Variants in NFIA observed in about 807,000 individuals in gnomAD.
NFIA encodes the protein nuclear factor 1 A-type.
NFIA carries 8 observed loss-of-function variants against 62.8 expected under a neutral mutation model. The ratio of observed to expected loss-of-function variants is 0.13; its 90% CI spans 0.07 to 0.23. The LOEUF is 0.23. Among genes scored for constraint, NFIA ranks in the 10% least tolerant of loss-of-function variants. The probability of loss-of-function intolerance (pLI) is 1.00; values close to 1 mark genes in which losing one functional copy is unlikely to be tolerated. For synonymous variants in NFIA, 235 were observed against 238.1 expected, an observed-to-expected ratio of 0.99 and a Z score of 0.12; for missense variants, 410 against 642.1, an observed-to-expected ratio of 0.64 and a Z score of 3.91.
Position 61,082,654 on chromosome 1 carries a change from A to AT in NFIA, c.-129dup, listed in dbSNP as rs879156791. ...AATGTGAACGCAAGAAGCAGGCTTG[A>AT]TTTTTTTTTCTCCCCCCTTCTCTCT... On this transcript the variant is annotated 5_prime_UTR_variant, in exon 1 of 11. Transcript: ENST00000403491. 7.1e-4 allele frequency: 1,061 copies of AT among 1,501,818 alleles called. No homozygotes were observed. The highest frequency in any genetic ancestry group is 6.8e-4 in the Non-Finnish European group (759 of 1,119,334). The allele number at this position is 1,501,818 out of a possible 1,614,324, so 93.0% of individuals were successfully genotyped here.
chr1:61,196,090 AAGTC>A (rs1651969231), intron 2 of NFIA, among the ~76,000 whole-genome samples: 1 of 152,220 alleles, frequency 6.6e-6, no homozygotes, highest in African/African-American at 2.4e-5. Flanking sequence ...AGAAAATTAA[AAGTC>A]AGTTTGCTTT....
At position 61,441,292 on chromosome 1, in the gene NFIA, G is replaced by GGTGTGTGTGT. The variant is rs763246425; in HGVS notation, c.1513-13978_1513-13969dup. 3.5e-3 allele frequency among the ~76,000 whole-genome samples: 492 copies of GGTGTGTGTGT among 139,432 alleles called. 4 individuals carry two copies. Among genetic ancestry groups the GGTGTGTGTGT allele is most frequent in the East Asian group, 0.022 (102 of 4,574 alleles). 91.5% of individuals were successfully genotyped at this position (139,432 alleles called of 152,430 possible). A position where few individuals can be genotyped will look rare whatever the true frequency, so the allele number is the denominator to read the frequency against. Reference sequence around the variant, plus strand: ...TTACTTTCATAGACTGCCGTGCAGGGGTGTGTGTGTGTGTGTGTGTGTGTG... The same window carrying GGTGTGTGTGT: ...TTACTTTCATAGACTGCCGTGCAGGGGTGTGTGTGTGTGTGTGTGTGTGTGTGTGTGTGTG... On this transcript the variant is annotated intron_variant, in intron 10 of 10. Coordinates refer to ENST00000403491, the MANE Select transcript of NFIA (RefSeq NM_001134673.4).
At chr1:61,453,050 A>C (rs560946741) in intron 10 of NFIA, among the ~76,000 whole-genome samples, 3 of 152,324 alleles carry the variant, frequency 2.0e-5, no homozygotes, top group African/African-American at 7.2e-5. Context: ...TCCTTTGTCT[A>C]ACTTTCCCAA....
In NFIA at chr1:61,411,039, G is replaced by A. The variant is rs148155119; in HGVS notation, c.1420+4312G>A. 1.6e-4 allele frequency among the ~76,000 whole-genome samples: 25 copies of A among 152,220 alleles called. No individual in the cohort carries two copies. In the East Asian group the frequency reaches 4.0e-3, roughly 25 times the overall value. On this transcript the variant is annotated intron_variant, in intron 9 of 10. Transcript: ENST00000403491. ...AACACTAACTGCTCTACTCACTCTCGTAGTCAGATTATCAGAACAAACAGG... is the reference window on the plus strand; with the variant it reads ...AACACTAACTGCTCTACTCACTCTCATAGTCAGATTATCAGAACAAACAGG...
chr1:61,130,426 G>A (rs536267272), intron 2 of NFIA, among the ~76,000 whole-genome samples: 1 of 152,340 alleles, frequency 6.6e-6, no homozygotes, highest in Admixed American at 6.5e-5. Context: ...TAGGAGAGAA[G>A]TTGGTACTTG....
chr1:61,379,402 C>CTT (rs60735193), intron 6 of NFIA, among the ~76,000 whole-genome samples: 336 of 98,194 alleles, frequency 3.4e-3, no homozygotes, highest in Non-Finnish European at 5.1e-3. Context: ...TTTTCTTTTT[C>CTT]TTTTTTTTTT....
rs192179401 is a variant in NFIA at position 61,318,186 on chromosome 1, A to G, written c.626-14326A>G. Among the ~76,000 whole-genome samples the G allele has an allele frequency of 6.5e-3, 991 of 152,284 alleles. 5 individuals carry two copies. The highest frequency in any genetic ancestry group is 9.3e-3 in the Non-Finnish European group (633 of 68,020). On this transcript the variant is annotated intron_variant, in intron 3 of 10. Coordinates refer to ENST00000403491, the MANE Select transcript of NFIA (RefSeq NM_001134673.4). The stretch of plus-strand genomic sequence containing the variant: ...AAAACTATGAAACTTACTATGTTTG[A>G]TAATTACATATTTTACATTAGATAT...
chr1:61,366,389 C>T (rs1265074676), intron 6 of NFIA, among the ~76,000 whole-genome samples: 1 of 152,144 alleles, frequency 6.6e-6, no homozygotes, highest in East Asian at 1.9e-4. Flanking sequence ...TAAGAAGCTA[C>T]TTAAATTTTC....
chr1:61,125,915 T>A (rs573247027), intron 2 of NFIA, among the ~76,000 whole-genome samples: 4 of 152,284 alleles, frequency 2.6e-5, no homozygotes, highest in African/African-American at 9.6e-5. Context: ...GCTTAAATAC[T>A]TCCAGAGAAA....
intron 2 of NFIA, among the ~76,000 whole-genome samples, chr1:61,116,403 C>A (rs1181783149): frequency 2.0e-5 from 3 of 152,134 alleles, no homozygotes; most frequent in Non-Finnish European, 2.9e-5. Context: ...AATGAAGAAA[C>A]AGAGTTGGCT....
intron 3 of NFIA, among the ~76,000 whole-genome samples, chr1:61,303,715 T>C (rs1473966919): frequency 1.3e-5 from 2 of 152,206 alleles, no homozygotes; most frequent in Non-Finnish European, 2.9e-5. Context: ...CTCTGGGCAC[T>C]ACCCTTACAG....
intron 10 of NFIA, chr1:61,439,427 C>T (rs887668745): frequency 6.6e-6 from 1 of 152,000 alleles, no homozygotes; most frequent in African/African-American, 2.4e-5. Flanking sequence ...TAATCAGCTC[C>T]TTCTACATTA....
intron 3 of NFIA, among the ~76,000 whole-genome samples, chr1:61,310,540 G>C (rs895212993): frequency 6.6e-6 from 1 of 152,048 alleles, no homozygotes. Flanking sequence ...TAAATGTCTC[G>C]TAATGCTCTG....
intron 2 of NFIA, among the ~76,000 whole-genome samples, chr1:61,176,015 G>T (rs1242187130): frequency 6.6e-6 from 1 of 152,236 alleles, no homozygotes. Flanking sequence ...GGATGAGTGG[G>T]AATTGAGAGG....
At chr1:61,361,545 C>T (rs747556505) in intron 6 of NFIA, among the ~76,000 whole-genome samples, 4 of 152,120 alleles carry the variant, frequency 2.6e-5, no homozygotes, top group Non-Finnish European at 5.9e-5. Context: ...AGAGCTCCCC[C>T]ATCATGAGGC....
chr1:61,082,749 C>G lies in NFIA; in HGVS notation c.-43C>G. 1.9e-6 allele frequency: 3 copies of G among 1,552,230 alleles called. No individual in the cohort carries two copies. Among genetic ancestry groups the G allele is most frequent in the South Asian group, 1.2e-5 (1 of 84,130 alleles). On this transcript the variant is annotated 5_prime_UTR_variant, in exon 1 of 11. Transcript: ENST00000403491. ...ACCCACACTCACGCACACCTCCAAA[C>G]CGCACACCCAGACGCACACGCATAC...
intron 6 of NFIA, among the ~76,000 whole-genome samples, chr1:61,371,950 C>T (rs939786374): frequency 2.0e-5 from 3 of 151,954 alleles, no homozygotes; most frequent in Admixed American, 6.6e-5. Flanking sequence ...TAGAAGAAGC[C>T]GCAAAAGATG....
At chr1:61,166,723 G>A (rs1448449523) in intron 2 of NFIA, among the ~76,000 whole-genome samples, 1 of 152,182 alleles carries the variant, frequency 6.6e-6, no homozygotes, top group Non-Finnish European at 1.5e-5. Flanking sequence ...AAAGAAACCT[G>A]GGAGTATAGG....
chr1:61,297,656 G>C (rs1659258698), intron 3 of NFIA, among the ~76,000 whole-genome samples: 1 of 152,088 alleles, frequency 6.6e-6, no homozygotes, highest in South Asian at 2.1e-4. Context: ...CATGGCTATA[G>C]CAACATGTTT....
Sources: allele counts gnomAD v4.1 joint callset (sites outside exome capture counted in the v4.1 genomes callset), GRCh38; gene constraint gnomAD v4.1.1; transcripts MANE v1.5; gene names NCBI Gene and HGNC (gene_info 2026-07-23, HGNC 2026-07-21).